RBPMS: variants seen among roughly 807,000 people sequenced by gnomAD.
RBPMS encodes RNA-binding protein with multiple splicing.
Under a neutral mutation model 26.8 loss-of-function variants are expected in RBPMS, and 7 were observed. The ratio of observed to expected loss-of-function variants is 0.26; its 90% CI spans 0.15 to 0.49. The LOEUF (loss-of-function observed/expected upper bound fraction) is 0.49, where lower values mean the gene tolerates loss of function less well. Among genes scored for constraint, RBPMS ranks in the 20% least tolerant of loss-of-function variants. The probability of loss-of-function intolerance (pLI) is 0.98; values close to 1 mark genes in which losing one functional copy is unlikely to be tolerated. For synonymous variants in RBPMS, 96 were observed against 93.3 expected, an observed-to-expected ratio of 1.03 and a Z score of -0.17; for missense variants, 186 against 250.0, an observed-to-expected ratio of 0.74 and a Z score of 1.73.
intron 5 of RBPMS, among the ~76,000 whole-genome samples, chr8:30,511,748 C>T (rs1267304057): frequency 6.6e-6 from 1 of 150,564 alleles, no homozygotes; most frequent in Non-Finnish European, 1.5e-5. Context: ...TGCTTGAACC[C>T]GGGAGGCCGA....
At chr8:30,537,158 C>T (rs1824885012) in intron 5 of RBPMS, among the ~76,000 whole-genome samples, 2 of 152,220 alleles carry the variant, frequency 1.3e-5, no homozygotes, top group South Asian at 4.1e-4. Context: ...TTTCTTCCCA[C>T]TCATGCTCAG....
intron 5 of RBPMS, among the ~76,000 whole-genome samples, chr8:30,511,486 A>ATATATAT (rs1212814521): frequency 2.5e-4 from 6 of 23,530 alleles, no homozygotes; most frequent in African/African-American, 9.9e-4. Flanking sequence ...AAAAAAAAAA[A>ATATATAT]ATATATATAT....
chr8:30,433,770 A>G (rs1169582191), intron 1 of RBPMS, among the ~76,000 whole-genome samples: 1 of 152,236 alleles, frequency 6.6e-6, no homozygotes, highest in Non-Finnish European at 1.5e-5. Flanking sequence ...CCTGGTACAT[A>G]GTAGGAATTC....
chr8:30,392,488 CTT>C (rs1807898282), intron 1 of RBPMS, among the ~76,000 whole-genome samples: 1 of 152,178 alleles, frequency 6.6e-6, no homozygotes, highest in South Asian at 2.1e-4. Context: ...GGGAATTGGA[CTT>C]TGTCCTCTGA....
chr8:30,567,735 AAG>A (rs938336007), intron 8 of RBPMS, among the ~76,000 whole-genome samples: 38 of 152,214 alleles, frequency 2.5e-4, no homozygotes, highest in Admixed American at 1.6e-3. Context: ...GGAGACAGAA[AAG>A]AGGGGACAGG....
At chr8:30,501,215 G>A (rs1057482810) in intron 4 of RBPMS, among the ~76,000 whole-genome samples, 2 of 151,770 alleles carry the variant, frequency 1.3e-5, no homozygotes, top group Non-Finnish European at 2.9e-5. Flanking sequence ...CATGGCATAA[G>A]AGGTCCTTTG....
chr8:30,449,487 C>T (rs1178131135), intron 1 of RBPMS, among the ~76,000 whole-genome samples: 1 of 151,754 alleles, frequency 6.6e-6, no homozygotes, highest in African/African-American at 2.4e-5. Context: ...CCCCCTGCCT[C>T]AGCCTCCGGA....
At chr8:30,542,294 CAG>C (rs1441052926) in intron 5 of RBPMS, among the ~76,000 whole-genome samples, 10 of 152,202 alleles carry the variant, frequency 6.6e-5, no homozygotes, top group Admixed American at 4.6e-4. Flanking sequence ...AGGATAAAAA[CAG>C]AGAAAAGTCT....
At chr8:30,536,993 T>G (rs1158219179) in intron 5 of RBPMS, among the ~76,000 whole-genome samples, 2 of 152,186 alleles carry the variant, frequency 1.3e-5, no homozygotes, top group Non-Finnish European at 2.9e-5. Context: ...ACTTGGAATA[T>G]TCTGCTAATG....
At chr8:30,473,667 C>G (rs954192819) in intron 1 of RBPMS, among the ~76,000 whole-genome samples, 1 of 152,152 alleles carries the variant, frequency 6.6e-6, no homozygotes, top group African/African-American at 2.4e-5. Flanking sequence ...CAGCACTATT[C>G]ACAATAGCAA....
chr8:30,513,331 C>G (rs576233906), intron 5 of RBPMS, among the ~76,000 whole-genome samples: 1 of 151,992 alleles, frequency 6.6e-6, no homozygotes. Flanking sequence ...TAGCTCACAC[C>G]TGAAATCCAG....
At chr8:30,509,230 C>T (rs1483008839) in intron 5 of RBPMS, among the ~76,000 whole-genome samples, 2 of 152,060 alleles carry the variant, frequency 1.3e-5, no homozygotes, top group African/African-American at 4.8e-5. Flanking sequence ...CTCCTTTGCC[C>T]CTGCACCTTT....
intron 5 of RBPMS, 61 bp from the exon 6 acceptor site, chr8:30,544,433 T>C: frequency 6.5e-7 from 1 of 1,546,174 alleles, no homozygotes; most frequent in Non-Finnish European, 8.9e-7. Flanking sequence ...GGTGTTTTGT[T>C]TTCTGATTTG....
At chr8:30,470,241 G>T (rs1406969862) in intron 1 of RBPMS, among the ~76,000 whole-genome samples, 5 of 151,978 alleles carry the variant, frequency 3.3e-5, no homozygotes, top group African/African-American at 1.2e-4. Flanking sequence ...AAAATTAGCT[G>T]AGCGTGGTGG....
intron 5 of RBPMS, among the ~76,000 whole-genome samples, chr8:30,543,762 C>T (rs1049363932): frequency 2.0e-5 from 3 of 152,192 alleles, no homozygotes; most frequent in African/African-American, 4.8e-5. Flanking sequence ...GGAATTGGAG[C>T]TGCCTGAGGA....
At chr8:30,570,529 G>GTCAT (rs2151100082) in intron 8 of RBPMS, 108 bp from the exon 9 acceptor site, 1 of 152,748 alleles carries the variant, frequency 6.5e-6, no homozygotes, top group Non-Finnish European at 1.5e-5. Context: ...TCCGCACACT[G>GTCAT]TCATCTAACC....
intron 1 of RBPMS, among the ~76,000 whole-genome samples, chr8:30,463,687 A>C (rs764296382): frequency 2.6e-5 from 4 of 152,240 alleles, no homozygotes; most frequent in Non-Finnish European, 5.9e-5. Flanking sequence ...ATATCAAAGA[A>C]ATTGTGGACA....
intron 5 of RBPMS, among the ~76,000 whole-genome samples, chr8:30,518,465 T>G (rs537729206): frequency 2.6e-5 from 4 of 151,894 alleles, no homozygotes; most frequent in Non-Finnish European, 5.9e-5. Context: ...TTGCTCTGTC[T>G]CTTAGGCTGG....
chr8:30,466,012 C>T (rs906897660), intron 1 of RBPMS, among the ~76,000 whole-genome samples: 1 of 152,138 alleles, frequency 6.6e-6, no homozygotes, highest in African/African-American at 2.4e-5. Flanking sequence ...ACCTGTGCTC[C>T]CATTAGTCTT....
Sources: gnomAD v4.1 joint callset for allele counts (sites outside exome capture counted in the v4.1 genomes callset) on GRCh38, gnomAD v4.1.1 for gene constraint, MANE v1.5 for transcripts, NCBI Gene and HGNC (gene_info 2026-07-23, HGNC 2026-07-21) for gene names.